PDGFA: variants seen among roughly 807,000 people sequenced by gnomAD.
PDGFA encodes platelet-derived growth factor subunit A.
A neutral mutation model predicts 25.6 loss-of-function variants in PDGFA; 9 were observed. That is an observed-to-expected ratio of 0.35 (90% CI 0.21 to 0.61). The LOEUF is 0.61. Among genes scored for constraint, PDGFA ranks in the 20% least tolerant of loss-of-function variants. The pLI, the probability that PDGFA is intolerant of heterozygous loss-of-function variation, is 0.75. For synonymous variants in PDGFA, 133 were observed against 111.8 expected (o/e 1.19, Z -1.20); for missense variants, 242 against 272.8 (o/e 0.89, Z 0.79).
rs541767853 is a variant in PDGFA, at chr7:500,411, T to A, written c.580+705A>T. On this transcript the variant is annotated intron_variant, in intron 5 of 5. Coordinates refer to ENST00000402802, the Ensembl canonical transcript of PDGFA. The surrounding 1 kb of genome is among the most constrained non-coding windows in gnomAD (Gnocchi z 5.0). ...CCTCCCCGCCCTGCAGGACTCAGTG[T>A]GTCCGGCAGACAGTCCTACCTGGTT... is the stretch of plus-strand genomic sequence containing the variant. 5 of 1,611,590 alleles carry A rather than the reference T, an allele frequency of 3.1e-6. No homozygotes were observed. The highest frequency in any genetic ancestry group is 4.2e-6 in the Non-Finnish European group (5 of 1,177,786).
intron 4 of PDGFA, among the ~76,000 whole-genome samples, chr7:508,590 T>TAAAAAAACAAAC (rs1275774675): frequency 7.6e-6 from 1 of 130,898 alleles, no homozygotes; most frequent in Non-Finnish European, 1.6e-5. Flanking sequence ...AAAAAAAAAT[T>TAAAAAAACAAAC]CTCAGCTGAG....
At chr7:520,010 G>T, upstream of PDGFA, 1 of 377,218 alleles carries the variant, frequency 2.7e-6, no homozygotes, top group Non-Finnish European at 5.2e-6. Flanking sequence ...GGGCGCCGCC[G>T]CCGCGGCAGG....
At chr7:508,588 A>AAAAAAAAAAC (rs1782669172) in intron 4 of PDGFA, among the ~76,000 whole-genome samples, 1 of 146,766 alleles carries the variant, frequency 6.8e-6, no homozygotes, top group South Asian at 2.2e-4. Context: ...AAAAAAAAAA[A>AAAAAAAAAAC]TTCTCAGCTG....
Position 500,644 on chromosome 7 carries a change from C to G in PDGFA, c.580+472G>C. 6.7e-7 allele frequency: 1 copy of G among 1,484,694 alleles called. No individual in the cohort carries two copies. The highest frequency in any genetic ancestry group is 8.9e-7 in the Non-Finnish European group (1 of 1,123,146). 92.0% of individuals were successfully genotyped at this position (1,484,694 alleles called of 1,614,324 possible). On this transcript the variant is annotated intron_variant, in intron 5 of 5. Coordinates refer to ENST00000402802, the Ensembl canonical transcript of PDGFA. This position sits in a 1 kb window ranked among gnomAD's most constrained non-coding sequence, Gnocchi z 5.0. ...GCACCGAGAAACTTCTGAGTCCCCTCATGCTCCCAGGGCCCAGCCATAGCA... is the reference window on the plus strand; with the variant it reads ...GCACCGAGAAACTTCTGAGTCCCCTGATGCTCCCAGGGCCCAGCCATAGCA...
At chr7:498,469 G>C (rs1411964805) in exon 6 of PDGFA, 8 of 1,207,960 alleles carry the variant, frequency 6.6e-6, no homozygotes, top group Non-Finnish European at 9.6e-6. Flanking sequence ...GGAGAACAAA[G>C]ACCGCACACT....
chr7:509,201 G>A (rs930697315), intron 4 of PDGFA, among the ~76,000 whole-genome samples: 5 of 152,246 alleles, frequency 3.3e-5, no homozygotes, highest in Non-Finnish European at 5.9e-5. Context: ...TGGCAGGAAC[G>A]CCAGCACCCC....
intron 4 of PDGFA, among the ~76,000 whole-genome samples, chr7:503,999 T>A (rs973325157): frequency 2.0e-5 from 3 of 152,082 alleles, no homozygotes; most frequent in Non-Finnish European, 1.5e-5. Flanking sequence ...CAGGACAGAA[T>A]CCTCCAGAGA....
At position 500,231 on chromosome 7, in the gene PDGFA, G is replaced by C. The variant is rs1782265365; in HGVS notation, c.580+885C>G. On this transcript the variant is annotated intron_variant, in intron 5 of 5. Coordinates refer to ENST00000402802, the Ensembl canonical transcript of PDGFA. The surrounding 1 kb of genome is among the most constrained non-coding windows in gnomAD (Gnocchi z 5.0). ...GCTGGAGGCAGGCTCCCAAGCGGGA[G>C]TGAGCCACGGGCCAGGGCGTTCTGC... 6.6e-6 allele frequency among the ~76,000 whole-genome samples: 1 copy of C among 152,236 alleles called. No individual in the cohort carries two copies. The highest frequency in any genetic ancestry group is 2.4e-5 in the African/African-American group (1 of 41,470).
chr7:517,437 G>A lies in PDGFA; in HGVS notation c.117C>T (p.His39=). The A allele has an allele frequency of 1.4e-6, 2 of 1,392,918 alleles. No homozygotes were observed. The highest frequency in any genetic ancestry group is 9.4e-7 in the Non-Finnish European group (1 of 1,059,388). The allele number at this position is 1,392,918 out of a possible 1,614,324, so 86.3% of individuals were successfully genotyped here. Reference sequence around the variant, plus strand: ...GGAGTCGCTGGAGGTCCCGGATGCTGTGGATCTGACTGCGGGCCAGCCTCT... The same window carrying A: ...GGAGTCGCTGGAGGTCCCGGATGCTATGGATCTGACTGCGGGCCAGCCTCT... Residue 39 remains histidine (H), a synonymous_variant, in exon 2 of 6, where the codon CAC becomes CAT. Coordinates refer to ENST00000402802, the Ensembl canonical transcript of PDGFA. The surrounding 1 kb of genome is among the most constrained non-coding windows in gnomAD (Gnocchi z 7.4).
intron 4 of PDGFA, among the ~76,000 whole-genome samples, chr7:502,539 G>C (rs1782390159): frequency 6.6e-6 from 1 of 152,184 alleles, no homozygotes. Context: ...GCAGGCCGTG[G>C]CTATCAGGCA....
chr7:501,263 C>G (rs761035473), intron 4 of PDGFA, 21 bp from the exon 5 acceptor site: 1 of 1,613,512 alleles, frequency 6.2e-7, no homozygotes, highest in East Asian at 2.2e-5. Flanking sequence ...GAACAGAGCC[C>G]GGCCATGAAT....
At chr7:509,109 C>CA (rs1181665980) in intron 4 of PDGFA, among the ~76,000 whole-genome samples, 5 of 152,200 alleles carry the variant, frequency 3.3e-5, no homozygotes, top group African/African-American at 9.6e-5. Flanking sequence ...CCCAGGGCCT[C>CA]AGCAACGCAA....
upstream of PDGFA, chr7:520,110 G>A (rs772700801): frequency 7.7e-6 from 3 of 390,852 alleles, no homozygotes; most frequent in South Asian, 3.5e-5. Context: ...CCTCGAGCTT[G>A]CCCACCCTCC....
chr7:501,576 A>G (rs2128390883), intron 4 of PDGFA, among the ~76,000 whole-genome samples: 1 of 152,138 alleles, frequency 6.6e-6, no homozygotes, highest in African/African-American at 2.4e-5. Flanking sequence ...CACCATGCCC[A>G]GCTAATTTTA....
At chr7:512,540 G>A (rs186212773) in intron 2 of PDGFA, 85 bp from the exon 3 acceptor site, 1 of 1,597,114 alleles carries the variant, frequency 6.3e-7, no homozygotes, top group Non-Finnish European at 8.5e-7. Flanking sequence ...CCACAGACCA[G>A]CTTTGGGAGC....
chr7:502,214 C>A (rs997420889), intron 4 of PDGFA, among the ~76,000 whole-genome samples: 2 of 152,074 alleles, frequency 1.3e-5, no homozygotes, highest in African/African-American at 4.8e-5. Flanking sequence ...ACACCAAGAC[C>A]CTGTCTCTAT....
Position 500,540 on chromosome 7 carries a change from G to A in PDGFA, c.580+576C>T, listed in dbSNP as rs369716807. The A allele has an allele frequency of 1.5e-5, 24 of 1,613,276 alleles. No individual in the cohort carries two copies. The highest frequency in any genetic ancestry group is 1.1e-4 in the African/African-American group (8 of 74,884). On this transcript the variant is annotated intron_variant, in intron 5 of 5. Coordinates refer to ENST00000402802, the Ensembl canonical transcript of PDGFA. This position sits in a 1 kb window ranked among gnomAD's most constrained non-coding sequence, Gnocchi z 5.0. ...CAGGGCGGTGAGTGGGCCGAGGGAC[G>A]GCCGTCGGGGTGAAGAACTGAAGCA...
chr7:518,944 C>T, exon 1 of PDGFA: 1 of 1,527,380 alleles, frequency 6.5e-7, no homozygotes, highest in Non-Finnish European at 8.8e-7. Context: ...CCAACCTCGG[C>T]CAGAACATGG....
intron 3 of PDGFA, among the ~76,000 whole-genome samples, 180 bp from the exon 4 acceptor site, chr7:511,176 A>G (rs1782813077): frequency 6.6e-6 from 1 of 151,110 alleles, no homozygotes; most frequent in African/African-American, 2.4e-5. Flanking sequence ...GGGCAGGAGC[A>G]CCACACATCC....
Sources: gnomAD v4.1 joint callset for allele counts (sites outside exome capture counted in the v4.1 genomes callset) on GRCh38, gnomAD v4.1.1 for gene constraint, Gnocchi (gnomAD v3.1) non-coding constraint, MANE v1.5 for transcripts, NCBI Gene and HGNC (gene_info 2026-07-23, HGNC 2026-07-21) for gene names.